The following DGKK variants were observed in gnomAD, a reference collection of about 807,000 sequenced individuals.
DGKK encodes the protein diacylglycerol kinase kappa.
DGKK carries 35 observed loss-of-function variants against 92.2 expected under a neutral mutation model. That is an observed-to-expected ratio of 0.38 (90% CI 0.29 to 0.50). DGKK has a LOEUF of 0.50. Among genes scored for constraint, DGKK ranks in the 20% least tolerant of loss-of-function variants. The pLI is 0.92. For missense variants in DGKK, 910 were observed against 992.2 expected (o/e 0.92, Z 1.11); for synonymous variants, 368 against 360.6 (o/e 1.02, Z -0.23).
In DGKK at chrX:50,371,627, T is replaced by G. The variant is rs782557853; in HGVS notation, c.3612+97A>C. On this transcript the variant is annotated intron_variant, in intron 26 of 27. Coordinates refer to ENST00000611977, the MANE Select transcript of DGKK (RefSeq NM_001013742.4). ...AGTTTAAAGCCAGCACTGGACCCCC[T>G]GTACTACAGTCACCATGTCCTGGCC... 1.6e-4 allele frequency: 99 copies of G among 605,294 alleles called. No homozygotes were observed. In the East Asian group the frequency reaches 3.4e-3, roughly 21 times the overall value. 49.9% of individuals were successfully genotyped at this position (605,294 alleles called of 1,213,427 possible).
chrX:50,405,399 C>T (rs1557227149), intron 4 of DGKK, among the ~76,000 whole-genome samples: 2 of 111,485 alleles, frequency 1.8e-5, no homozygotes, highest in Non-Finnish European at 3.8e-5. Context: ...TCTGCCTTCC[C>T]CTGAAGTTCA....
At chrX:50,447,332 ATATATATATAT>A (rs1343120863) in intron 1 of DGKK, among the ~76,000 whole-genome samples, 23 of 24,324 alleles carry the variant, frequency 9.5e-4, no homozygotes, top group African/African-American at 3.2e-3. Context: ...GTATGTATAT[ATATATATATAT>A]TATATATATA....
intron 8 of DGKK, among the ~76,000 whole-genome samples, chrX:50,400,498 T>A (rs1360060673): frequency 8.9e-6 from 1 of 112,317 alleles, no homozygotes; most frequent in Non-Finnish European, 1.9e-5. Flanking sequence ...GTAGCCTGAA[T>A]CCACAATAAT....
At chrX:50,447,397 A>T (rs868960346) in intron 1 of DGKK, among the ~76,000 whole-genome samples, 5 of 16,551 alleles carry the variant, frequency 3.0e-4, no homozygotes, top group Non-Finnish European at 4.0e-4. Flanking sequence ...TATATATATT[A>T]TATATATATA....
At chrX:50,405,708 A>C (rs4826630) in intron 4 of DGKK, among the ~76,000 whole-genome samples, 1 of 110,763 alleles carries the variant, frequency 9.0e-6, no homozygotes. Context: ...CTGTTGATTT[A>C]ACCTGGAACC....
chrX:50,389,144 G>A (rs2147123563), intron 12 of DGKK, among the ~76,000 whole-genome samples: 1 of 112,229 alleles, frequency 8.9e-6, no homozygotes, highest in East Asian at 2.8e-4. Context: ...TGAGCCCAGA[G>A]AAGGGAAAGA....
At chrX:50,460,064 A>G (rs1380223192) in intron 1 of DGKK, among the ~76,000 whole-genome samples, 1 of 112,174 alleles carries the variant, frequency 8.9e-6, no homozygotes, top group African/African-American at 3.2e-5. Context: ...AGTTTATTAT[A>G]AAATGGAACT....
intron 8 of DGKK, among the ~76,000 whole-genome samples, chrX:50,400,658 C>T (rs1557226520): frequency 8.9e-6 from 1 of 111,791 alleles, no homozygotes; most frequent in African/African-American, 3.3e-5. Context: ...TATTTAGGAA[C>T]AACATTGGTG....
intron 4 of DGKK, among the ~76,000 whole-genome samples, chrX:50,416,332 A>G (rs1457365233): frequency 2.7e-5 from 3 of 112,467 alleles, no homozygotes; most frequent in Non-Finnish European, 3.8e-5. Context: ...TCCTTTCAGC[A>G]TAATCGAGAA....
chrX:50,378,739 C>A, intron 20 of DGKK, 48 bp from the exon 21 acceptor site: 1 of 1,000,171 alleles, frequency 1.0e-6, no homozygotes, highest in Non-Finnish European at 1.4e-6. Flanking sequence ...AGAAATCACA[C>A]CCTGTCTATA....
intron 4 of DGKK, among the ~76,000 whole-genome samples, chrX:50,414,626 A>G (rs1357081349): frequency 8.9e-6 from 1 of 111,858 alleles, no homozygotes; most frequent in Non-Finnish European, 1.9e-5. Context: ...GAGGAGATAA[A>G]TGAATTGAGG....
chrX:50,434,461 C>A (rs1424166545), intron 1 of DGKK, among the ~76,000 whole-genome samples: 4 of 111,221 alleles, frequency 3.6e-5, no homozygotes, highest in Admixed American at 9.5e-5. Context: ...CTCCCCACCC[C>A]ACTCTCATAT....
intron 8 of DGKK, among the ~76,000 whole-genome samples, chrX:50,395,782 T>G (rs1456204805): frequency 1.1e-5 from 1 of 93,959 alleles, no homozygotes; most frequent in Non-Finnish European, 2.0e-5. Context: ...TTTTTTTTCT[T>G]GTCTAGAACA....
chrX:50,433,324 T>G (rs967866915), intron 1 of DGKK, among the ~76,000 whole-genome samples: 32 of 112,244 alleles, frequency 2.9e-4, no homozygotes, highest in African/African-American at 1.0e-3. Flanking sequence ...GGGGCTGTGC[T>G]TACTCAAGTC....
intron 1 of DGKK, among the ~76,000 whole-genome samples, chrX:50,445,096 A>ACAT (rs782271317): frequency 0.012 from 1,278 of 104,898 alleles, 6 homozygotes; most frequent in Non-Finnish European, 0.019. Context: ...TCTTTTGAAA[A>ACAT]GTGTCTGTTC....
chrX:50,435,910 G>A (rs912261985), intron 1 of DGKK, among the ~76,000 whole-genome samples: 7 of 111,529 alleles, frequency 6.3e-5, no homozygotes, highest in African/African-American at 9.8e-5. Context: ...ATTGATGGGA[G>A]CCCTCACTCA....
At chrX:50,438,115 G>C (rs1005241167) in intron 1 of DGKK, among the ~76,000 whole-genome samples, 1 of 110,106 alleles carries the variant, frequency 9.1e-6, no homozygotes, top group Non-Finnish European at 1.9e-5. Flanking sequence ...TAAAGGGAAG[G>C]AGCAAGGGAG....
In DGKK at chrX:50,376,925, A is replaced by G. The variant is rs1924290715; in HGVS notation, c.3112-7T>C. On this transcript the variant is annotated splice_region_variant and splice_polypyrimidine_tract_variant and intron_variant, in intron 22 of 27. Transcript: ENST00000611977. ...TCATTGAGTTCTCAAAGTCCTGGAG[A>G]TGAATACAGTGGCATATCCTAATGA... The G allele has an allele frequency of 8.4e-7, 1 of 1,188,115 alleles. No homozygotes were observed.
chrX:50,437,090 G>A (rs781824107), intron 1 of DGKK, among the ~76,000 whole-genome samples: 4 of 111,088 alleles, frequency 3.6e-5, no homozygotes, highest in Non-Finnish European at 7.6e-5. Context: ...AAAAATTAAC[G>A]TGGCCATACA....
Sources: allele counts gnomAD v4.1 joint callset (sites outside exome capture counted in the v4.1 genomes callset), GRCh38; gene constraint gnomAD v4.1.1; transcripts MANE v1.5; gene names NCBI Gene and HGNC (gene_info 2026-07-23, HGNC 2026-07-21).